Variants in PDE4D observed in about 807,000 individuals in gnomAD.
PDE4D encodes phosphodiesterase 4D.
In PDE4D, 24 loss-of-function variants were observed where a neutral mutation model predicts 87.4. The observed-to-expected ratio is 0.27, with a 90% CI of 0.20 to 0.39. The LOEUF (loss-of-function observed/expected upper bound fraction) is 0.39, where lower values mean the gene tolerates loss of function less well. Ranked by LOEUF, PDE4D falls within the 10% of genes least tolerant of loss-of-function variation. The pLI is 1.00. For synonymous variants in PDE4D, 384 were observed against 383.2 expected (o/e 1.00, Z -0.02); for missense variants, 714 against 1,041.0 (o/e 0.69, Z 4.32).
At chr5:59,678,910 A>C (rs974978635) in intron 1 of PDE4D, among the ~76,000 whole-genome samples, 5 of 152,238 alleles carry the variant, frequency 3.3e-5, no homozygotes, top group African/African-American at 1.2e-4. Context: ...ATGGAGTGTT[A>C]CCATTGTAAC....
At chr5:59,327,940 T>A (rs566104295) in intron 1 of PDE4D, among the ~76,000 whole-genome samples, 1 of 152,238 alleles carries the variant, frequency 6.6e-6, no homozygotes, top group Non-Finnish European at 1.5e-5. Flanking sequence ...AATGAGATAA[T>A]GGTAAGAAAA....
At chr5:60,088,285 T>C (rs1774748256) in intron 2 of PDE4D, among the ~76,000 whole-genome samples, 1 of 150,294 alleles carries the variant, frequency 6.7e-6, no homozygotes, top group Non-Finnish European at 1.5e-5. Context: ...AAAAAATGGA[T>C]GCTAATGTGT....
intron 1 of PDE4D, among the ~76,000 whole-genome samples, chr5:60,477,892 T>C (rs2150209402): frequency 6.6e-6 from 1 of 152,306 alleles, no homozygotes; most frequent in East Asian, 1.9e-4. Context: ...TCCTAATGCA[T>C]GAGTAAGGCT....
chr5:59,591,455 C>A (rs1330692861), intron 1 of PDE4D, among the ~76,000 whole-genome samples: 1 of 152,114 alleles, frequency 6.6e-6, no homozygotes, highest in Non-Finnish European at 1.5e-5. Context: ...CCCTGAGTTT[C>A]ACTTTCAGAA....
At chr5:59,755,087 G>C (rs1328682063) in intron 1 of PDE4D, among the ~76,000 whole-genome samples, 1 of 152,162 alleles carries the variant, frequency 6.6e-6, no homozygotes, top group East Asian at 1.9e-4. Context: ...GTGGCTTATT[G>C]AATTTTAAAA....
chr5:59,256,009 A>C (rs1011121465), intron 1 of PDE4D, among the ~76,000 whole-genome samples: 2 of 152,114 alleles, frequency 1.3e-5, no homozygotes, highest in African/African-American at 4.8e-5. Context: ...CCAGCAGAAC[A>C]TTTTTGTACA....
chr5:60,114,769 GA>G (rs1184838713), intron 2 of PDE4D, among the ~76,000 whole-genome samples: 4 of 152,002 alleles, frequency 2.6e-5, no homozygotes, highest in Non-Finnish European at 5.9e-5. Context: ...CAGTGGATGA[GA>G]AACAATAAGT....
At chr5:60,152,415 AGGCTGAAGCG>A (rs1178810073) in intron 2 of PDE4D, among the ~76,000 whole-genome samples, 1 of 152,084 alleles carries the variant, frequency 6.6e-6, no homozygotes, top group Non-Finnish European at 1.5e-5. Flanking sequence ...GTACTTTGGG[AGGCTGAAGCG>A]GGCAGATCAC....
intron 6 of PDE4D, among the ~76,000 whole-genome samples, chr5:59,038,132 T>C (rs1027141199): frequency 3.3e-5 from 5 of 152,138 alleles, no homozygotes; most frequent in African/African-American, 1.2e-4. Context: ...CTGAAAACAC[T>C]ATACCTTGCC....
intron 1 of PDE4D, among the ~76,000 whole-genome samples, chr5:59,720,500 T>C (rs551704930): frequency 6.6e-6 from 1 of 152,254 alleles, no homozygotes; most frequent in African/African-American, 2.4e-5. Flanking sequence ...CATCTAGAAA[T>C]CTGCTTTGTA....
chr5:60,431,321 C>T (rs1186979887), intron 1 of PDE4D, among the ~76,000 whole-genome samples: 16 of 148,174 alleles, frequency 1.1e-4, no homozygotes, highest in Non-Finnish European at 1.8e-4. Context: ...TCAGACGGGG[C>T]GGTTGCCAGG....
At chr5:59,988,343 G>A (rs1762650904) in intron 3 of PDE4D, 5 of 538,082 alleles carry the variant, frequency 9.3e-6, no homozygotes, top group Middle Eastern at 2.8e-4. Context: ...TGTCACCTGA[G>A]AAATTCATCC....
At chr5:59,860,461 C>G (rs887118271) in intron 1 of PDE4D, among the ~76,000 whole-genome samples, 9 of 152,110 alleles carry the variant, frequency 5.9e-5, no homozygotes, top group South Asian at 2.1e-4. Flanking sequence ...CAATAGGGAA[C>G]TGTTATTTTA....
At chr5:60,318,201 G>A (rs1434311579) in intron 1 of PDE4D, among the ~76,000 whole-genome samples, 1 of 152,164 alleles carries the variant, frequency 6.6e-6, no homozygotes, top group Non-Finnish European at 1.5e-5. Context: ...AGGATAGTTA[G>A]CTCTTCCTGT....
intron 11 of PDE4D, among the ~76,000 whole-genome samples, chr5:58,987,654 G>A (rs1053264280): frequency 1.3e-5 from 2 of 149,722 alleles, no homozygotes; most frequent in African/African-American, 4.9e-5. Flanking sequence ...AAAGAAAGGT[G>A]GATTCTTAAG....
At chr5:60,167,088 T>C (rs866674683) in intron 2 of PDE4D, among the ~76,000 whole-genome samples, 12 of 152,274 alleles carry the variant, frequency 7.9e-5, no homozygotes, top group Middle Eastern at 3.4e-3. Flanking sequence ...TACTTATTTC[T>C]TTCTCCAGAT....
At chr5:60,222,445 G>A (rs1000214450) in intron 1 of PDE4D, among the ~76,000 whole-genome samples, 10 of 152,096 alleles carry the variant, frequency 6.6e-5, no homozygotes, top group African/African-American at 2.4e-4. Context: ...AATGATACGT[G>A]TTTATTCTTG....
chr5:59,133,731 C>T lies in PDE4D; in HGVS notation c.808+46864G>A, dbSNP rs145196016. On this transcript the variant is annotated intron_variant, in intron 5 of 14. Coordinates refer to ENST00000340635, the MANE Select transcript of PDE4D (RefSeq NM_001104631.2). ...ACTGCAATTGCCTCATGTTTTCCAC[C>T]TCCCCATCCTTGCGGGCTTAGCGTG... Among the ~76,000 whole-genome samples, 70 of 152,260 alleles carry T rather than the reference C, an allele frequency of 4.6e-4. No individual in the cohort carries two copies. The East Asian group carries it at 0.013, about 28-fold the overall frequency.
At chr5:58,988,327 G>A (rs568480648) in intron 11 of PDE4D, among the ~76,000 whole-genome samples, 166 bp downstream of exon 11, 1 of 152,100 alleles carries the variant, frequency 6.6e-6, no homozygotes, top group Non-Finnish European at 1.5e-5. Flanking sequence ...GGGATATAAT[G>A]ATAATTTTCA....
Sources: gnomAD v4.1 joint callset for allele counts (sites outside exome capture counted in the v4.1 genomes callset) on GRCh38, gnomAD v4.1.1 for gene constraint, MANE v1.5 for transcripts, NCBI Gene and HGNC (gene_info 2026-07-23, HGNC 2026-07-21) for gene names.